The following IFT74 variants were observed in gnomAD, a reference collection of about 807,000 sequenced individuals.
IFT74 encodes the protein intraflagellar transport protein 74 homolog.
A neutral mutation model predicts 96.7 loss-of-function variants in IFT74; 92 were observed. The observed-to-expected ratio is 0.95, with a 90% CI of 0.80 to 1.13. The LOEUF (loss-of-function observed/expected upper bound fraction) is 1.13, where lower values mean the gene tolerates loss of function less well. Ranked by LOEUF, IFT74 falls within the 50% of genes most tolerant of loss-of-function variation. IFT74 has a pLI of 0.00. For missense variants in IFT74, 811 were observed against 698.2 expected (o/e 1.16, Z -1.82); for synonymous variants, 223 against 213.2 (o/e 1.05, Z -0.40).
At chr9:26,982,018 C>T (rs556288754) in intron 4 of IFT74, among the ~76,000 whole-genome samples, 94 of 152,012 alleles carry the variant, frequency 6.2e-4, no homozygotes, top group Non-Finnish European at 1.2e-3. Flanking sequence ...ATGCACCTGC[C>T]TCAGCCTCCC....
chr9:26,952,508 C>G (rs1639503092), upstream of IFT74, among the ~76,000 whole-genome samples: 1 of 152,074 alleles, frequency 6.6e-6, no homozygotes, highest in African/African-American at 2.4e-5. Flanking sequence ...AACTCTTGAC[C>G]TCAGGTGATC....
At chr9:26,996,174 A>G (rs527908886) in intron 8 of IFT74, 4 of 607,716 alleles carry the variant, frequency 6.6e-6, no homozygotes, top group African/African-American at 5.7e-5. Flanking sequence ...TTGGAAGAGC[A>G]ATATTTTGTA....
chr9:26,987,005 A>G (rs888400247), intron 6 of IFT74, among the ~76,000 whole-genome samples: 1 of 152,132 alleles, frequency 6.6e-6, no homozygotes, highest in Non-Finnish European at 1.5e-5. Context: ...GATTTTCTTT[A>G]GTAAATGATG....
intron 13 of IFT74, 66 bp downstream of exon 13, chr9:27,029,170 T>C: frequency 1.6e-6 from 2 of 1,270,772 alleles, no homozygotes; most frequent in Non-Finnish European, 2.2e-6. Flanking sequence ...TAGTGTTAAC[T>C]GGTGTCTCAG....
intron 19 of IFT74, among the ~76,000 whole-genome samples, 154 bp from the exon 20 acceptor site, chr9:27,062,464 C>T (rs1402927327): frequency 6.6e-6 from 1 of 152,050 alleles, no homozygotes; most frequent in Non-Finnish European, 1.5e-5. Context: ...TTAATTGATG[C>T]TTAATCTGTT....
intron 19 of IFT74, among the ~76,000 whole-genome samples, chr9:27,061,936 A>G (rs1165595221): frequency 2.6e-5 from 4 of 152,144 alleles, no homozygotes; most frequent in African/African-American, 9.7e-5. Flanking sequence ...ATGTGTTGTG[A>G]AGTTGTAACA....
At chr9:26,967,911 C>G (rs1236405324) in intron 2 of IFT74, among the ~76,000 whole-genome samples, 1 of 152,062 alleles carries the variant, frequency 6.6e-6, no homozygotes, top group East Asian at 1.9e-4. Flanking sequence ...GTTGAACTAT[C>G]TTTAGTTACC....
Position 27,052,349 on chromosome 9 carries a change from A to G in IFT74, c.1334-3260A>G, listed in dbSNP as rs535628035. 3.5e-3 allele frequency among the ~76,000 whole-genome samples: 535 copies of G among 152,168 alleles called. 2 individuals are homozygous for G. Among genetic ancestry groups the G allele is most frequent in the Middle Eastern group, 0.02 (6 of 294 alleles). ...ACATGGTAAAACCCCATCTCTACTA[A>G]AAATACAAAATTAGCCTGTGTGGTG... On this transcript the variant is annotated intron_variant, in intron 16 of 19. Coordinates refer to ENST00000380062, the MANE Select transcript of IFT74 (RefSeq NM_025103.4).
Position 27,009,153 on chromosome 9 carries a change from T to C in IFT74, c.721T>C (p.Leu241=). 6.2e-7 allele frequency: 1 copy of C among 1,611,776 alleles called. No homozygotes were observed. The highest frequency in any genetic ancestry group is 8.5e-7 in the Non-Finnish European group (1 of 1,178,914). The part of the protein sequence containing the change: ...LEMKTTNEKL[L]QELDTLQQQL... ...GATGAAAACCACAAATGAGAAACTG[T>C]TACAGGTAATACAAATTACTGCTGT... The change falls in exon 9 of 20, where the codon TTA becomes CTA. Residue 241 remains leucine (L), a synonymous_variant. Coordinates refer to ENST00000380062, the MANE Select transcript of IFT74 (RefSeq NM_025103.4).
chr9:27,011,819 A>T (rs756270329), intron 9 of IFT74, 87 bp from the exon 10 acceptor site: 25 of 707,282 alleles, frequency 3.5e-5, no homozygotes, highest in African/African-American at 2.2e-4. Context: ...AGAGAAATAA[A>T]TTTTTTTTCC....
upstream of IFT74, among the ~76,000 whole-genome samples, chr9:26,954,428 G>A (rs1391056094): frequency 3.3e-5 from 5 of 152,114 alleles, no homozygotes; most frequent in Non-Finnish European, 7.4e-5. Context: ...CTACCTCTGG[G>A]GGAGCCCCAA....
chr9:26,995,634 T>A (rs1394838074), intron 8 of IFT74: 1 of 1,613,650 alleles, frequency 6.2e-7, no homozygotes, highest in Admixed American at 1.7e-5. Flanking sequence ...TCTTCAGAGT[T>A]TGTTTCTGGT....
chr9:26,955,113 C>T (rs551692455), upstream of IFT74, among the ~76,000 whole-genome samples: 1 of 152,166 alleles, frequency 6.6e-6, no homozygotes, highest in Admixed American at 6.5e-5. Flanking sequence ...TCCTTAAGTG[C>T]AAGGAACAGA....
At chr9:27,053,161 CTTTTTTT>C (rs58085385) in intron 16 of IFT74, among the ~76,000 whole-genome samples, 1 of 50,606 alleles carries the variant, frequency 2.0e-5, no homozygotes, top group Non-Finnish European at 3.3e-5. Context: ...CGCGCCTGGC[CTTTTTTT>C]TTTTTTTTTT....
chr9:26,983,888 A>G (rs1237102437), intron 4 of IFT74: 1 of 150,052 alleles, frequency 6.7e-6, no homozygotes, highest in Non-Finnish European at 1.4e-5. Context: ...GATTTAAGCT[A>G]TTCTCCTGCC....
chr9:27,017,352 G>A (rs1429120188), intron 11 of IFT74, among the ~76,000 whole-genome samples: 1 of 152,062 alleles, frequency 6.6e-6, no homozygotes, highest in Non-Finnish European at 1.5e-5. Context: ...CTCCCGAGTA[G>A]CTGGGACTGC....
chr9:26,983,378 C>T (rs1229364277), intron 4 of IFT74, among the ~76,000 whole-genome samples: 1 of 152,172 alleles, frequency 6.6e-6, no homozygotes, highest in Non-Finnish European at 1.5e-5. Context: ...AATTGTCTGG[C>T]TCTAGAGCAG....
intron 13 of IFT74, among the ~76,000 whole-genome samples, chr9:27,037,271 T>G (rs1327302025): frequency 6.8e-6 from 1 of 147,396 alleles, no homozygotes; most frequent in East Asian, 2.0e-4. Context: ...ATCAAATGTA[T>G]GAGTAGACAA....
chr9:27,016,768 G>C, intron 10 of IFT74, 139 bp from the exon 11 acceptor site: 1 of 545,332 alleles, frequency 1.8e-6, no homozygotes, highest in South Asian at 3.4e-5. Context: ...TAGCATTATT[G>C]AGTACTAATG....
Sources: gnomAD v4.1 joint callset for allele counts (sites outside exome capture counted in the v4.1 genomes callset) on GRCh38, gnomAD v4.1.1 for gene constraint, MANE v1.5 for transcripts, NCBI Gene and HGNC (gene_info 2026-07-23, HGNC 2026-07-21) for gene names.